The following CELF2 variants were observed in gnomAD, a reference collection of about 807,000 sequenced individuals.
CELF2 encodes CUG triplet repeat RNA-binding protein 2.
In CELF2, 8 loss-of-function variants were observed where a neutral mutation model predicts 62.6. That is an observed-to-expected ratio of 0.13 (90% CI 0.07 to 0.23). The LOEUF (loss-of-function observed/expected upper bound fraction) is 0.23, where lower values mean the gene tolerates loss of function less well. CELF2 is among the 10% of genes least tolerant of loss of function. The pLI, the probability that CELF2 is intolerant of heterozygous loss-of-function variation, is 1.00. For synonymous variants in CELF2, 258 were observed against 250.0 expected (o/e 1.03, Z -0.30); for missense variants, 333 against 671.0 (o/e 0.50, Z 5.56).
intron 1 of CELF2, among the ~76,000 whole-genome samples, chr10:11,057,384 G>C (rs1346311288): frequency 6.6e-6 from 1 of 152,130 alleles, no homozygotes; most frequent in Non-Finnish European, 1.5e-5. Flanking sequence ...AGAATGCCTT[G>C]AAATACAGCC....
chr10:10,589,599 TG>T, the CELF2 span, among the ~76,000 whole-genome samples: 1 of 152,148 alleles, frequency 6.6e-6, no homozygotes, highest in African/African-American at 2.4e-5. Context: ...TTTGAGAGAA[TG>T]TGAAAATGAG....
intron 1 of CELF2, among the ~76,000 whole-genome samples, chr10:10,825,294 C>T (rs894653773): frequency 6.6e-6 from 1 of 152,202 alleles, no homozygotes; most frequent in Non-Finnish European, 1.5e-5. Context: ...ACTGCAAGCT[C>T]CGCCTCCCAG....
At chr10:10,549,840 C>G in the CELF2 span, among the ~76,000 whole-genome samples, 1 of 152,124 alleles carries the variant, frequency 6.6e-6, no homozygotes, top group Non-Finnish European at 1.5e-5. Context: ...CACAATCCAG[C>G]TCATAAAAGG....
At chr10:11,036,805 T>C (rs2061026591) in intron 1 of CELF2, among the ~76,000 whole-genome samples, 3 of 152,228 alleles carry the variant, frequency 2.0e-5, no homozygotes, top group Non-Finnish European at 4.4e-5. Context: ...GGGTGTTGGT[T>C]GTTTTTTTAT....
chr10:11,130,611 A>G (rs2059470026), intron 1 of CELF2, among the ~76,000 whole-genome samples: 1 of 151,874 alleles, frequency 6.6e-6, no homozygotes, highest in South Asian at 2.1e-4. Flanking sequence ...CCCATTTCTA[A>G]CCAGATGACA....
chr10:10,729,362 G>C, the CELF2 span, among the ~76,000 whole-genome samples: 3 of 152,202 alleles, frequency 2.0e-5, no homozygotes, highest in South Asian at 2.1e-4. Context: ...TTATTGGAAA[G>C]AGTATAGCAG....
the CELF2 span, among the ~76,000 whole-genome samples, chr10:10,558,509 G>A: frequency 6.6e-6 from 1 of 151,572 alleles, no homozygotes; most frequent in Non-Finnish European, 1.5e-5. Context: ...TTTTTGTTGT[G>A]TCTCTGCCCG....
At chr10:10,568,996 A>G in the CELF2 span, among the ~76,000 whole-genome samples, 1 of 152,302 alleles carries the variant, frequency 6.6e-6, no homozygotes, top group South Asian at 2.1e-4. Context: ...GCAAGGAGAA[A>G]TAAAATAGAA....
intron 3 of CELF2, among the ~76,000 whole-genome samples, chr10:11,222,764 A>G (rs1211779228): frequency 6.6e-6 from 1 of 152,218 alleles, no homozygotes; most frequent in Non-Finnish European, 1.5e-5. Context: ...AATATTTCCA[A>G]AGGCCTACAG....
upstream of CELF2, chr10:10,796,977 A>T: frequency 1.4e-6 from 1 of 732,478 alleles, no homozygotes; most frequent in South Asian, 6.1e-5. Flanking sequence ...GCCATTAGGG[A>T]AAGTATCCAT....
chr10:10,907,657 ATTTTAT>A (rs754692186), intron 1 of CELF2, among the ~76,000 whole-genome samples: 40 of 148,070 alleles, frequency 2.7e-4, no homozygotes, highest in Non-Finnish European at 4.5e-4. Context: ...ATTTTATTTT[ATTTTAT>A]TTTTTTAGTG....
intron 10 of CELF2, chr10:11,320,738 C>T (rs952133014): frequency 9.4e-7 from 1 of 1,064,720 alleles, no homozygotes; most frequent in Non-Finnish European, 1.3e-6. Flanking sequence ...ATCCTTTCCT[C>T]CTCAGCCCTG....
intron 1 of CELF2, among the ~76,000 whole-genome samples, chr10:11,036,192 G>A (rs2060920611): frequency 1.3e-5 from 2 of 152,320 alleles, no homozygotes; most frequent in South Asian, 4.1e-4. Flanking sequence ...AATTTCTTAG[G>A]AAGGATAATT....
At chr10:11,027,403 C>T (rs1288331519) in intron 1 of CELF2, among the ~76,000 whole-genome samples, 2 of 152,116 alleles carry the variant, frequency 1.3e-5, no homozygotes, top group African/African-American at 4.8e-5. Context: ...TGCATTTTTA[C>T]TTCTGGTGTC....
At chr10:10,580,774 A>G in the CELF2 span, among the ~76,000 whole-genome samples, 2 of 152,228 alleles carry the variant, frequency 1.3e-5, no homozygotes, top group Non-Finnish European at 1.5e-5. Flanking sequence ...GAATCAGAGA[A>G]AAGGGAATCA....
At chr10:10,494,875 A>C in the CELF2 span, among the ~76,000 whole-genome samples, 1 of 152,252 alleles carries the variant, frequency 6.6e-6, no homozygotes, top group Non-Finnish European at 1.5e-5. Context: ...AGTAGAGAAA[A>C]TCAAGCTAGG....
the CELF2 span, among the ~76,000 whole-genome samples, chr10:10,762,158 T>A: frequency 6.6e-6 from 1 of 151,958 alleles, no homozygotes; most frequent in African/African-American, 2.4e-5. Context: ...CTTTCCAACA[T>A]CAGAGATTTA....
At chr10:10,627,337 C>A in the CELF2 span, among the ~76,000 whole-genome samples, 2 of 152,168 alleles carry the variant, frequency 1.3e-5, no homozygotes, top group African/African-American at 4.8e-5. Flanking sequence ...ATGTTAATGA[C>A]ATTTTTAGCT....
chr10:10,755,881 A>AAATTCC, the CELF2 span, among the ~76,000 whole-genome samples: 1 of 152,184 alleles, frequency 6.6e-6, no homozygotes, highest in Non-Finnish European at 1.5e-5. Context: ...AAAACAACCC[A>AAATTCC]AATTCCAACT....
Sources: gnomAD v4.1 joint callset for allele counts (sites outside exome capture counted in the v4.1 genomes callset) on GRCh38, gnomAD v4.1.1 for gene constraint, MANE v1.5 for transcripts, NCBI Gene and HGNC (gene_info 2026-07-23, HGNC 2026-07-21) for gene names.